Variants in MACROD2 observed in about 807,000 individuals in gnomAD.
MACROD2 encodes the protein mono-ADP ribosylhydrolase 2.
A neutral mutation model predicts 70.4 loss-of-function variants in MACROD2; 36 were observed. That is an observed-to-expected ratio of 0.51 (90% confidence interval 0.39 to 0.68). The LOEUF (loss-of-function observed/expected upper bound fraction) is 0.68, where lower values mean the gene tolerates loss of function less well. MACROD2 is among the 30% of genes least tolerant of loss of function. The probability of loss-of-function intolerance (pLI) is 0.00; values close to 1 mark genes in which losing one functional copy is unlikely to be tolerated. For missense variants in MACROD2, 496 were observed against 538.4 expected (o/e 0.92, Z 0.78); for synonymous variants, 172 against 178.8 (o/e 0.96, Z 0.30).
chr20:14,250,865 T>A (rs948655240), intron 3 of MACROD2, among the ~76,000 whole-genome samples: 1 of 152,114 alleles, frequency 6.6e-6, no homozygotes, highest in Non-Finnish European at 1.5e-5. Context: ...TATGAAGTGA[T>A]CTTACCTTAT....
At chr20:15,819,389 CAT>C (rs1006637039) in intron 8 of MACROD2, among the ~76,000 whole-genome samples, 7 of 133,538 alleles carry the variant, frequency 5.2e-5, no homozygotes, top group Non-Finnish European at 9.6e-5. Flanking sequence ...ATATAGATAA[CAT>C]ATATAAAATA....
At chr20:15,895,044 CCT>C (rs2064949611) in intron 10 of MACROD2, among the ~76,000 whole-genome samples, 1 of 152,184 alleles carries the variant, frequency 6.6e-6, no homozygotes, top group African/African-American at 2.4e-5. Flanking sequence ...ACATCCATAA[CCT>C]ATGTCAAAAG....
intron 5 of MACROD2, among the ~76,000 whole-genome samples, chr20:15,151,947 A>G (rs2076273154): frequency 6.6e-6 from 1 of 151,856 alleles, no homozygotes; most frequent in Non-Finnish European, 1.5e-5. Flanking sequence ...GAGGAAGATT[A>G]GAAAGACTCA....
chr20:14,554,184 A>G (rs1462928266), intron 4 of MACROD2, among the ~76,000 whole-genome samples: 1 of 152,162 alleles, frequency 6.6e-6, no homozygotes, highest in Non-Finnish European at 1.5e-5. Flanking sequence ...AAGGTTGCCT[A>G]TGAATCATCC....
intron 8 of MACROD2, among the ~76,000 whole-genome samples, chr20:15,662,901 G>T (rs1267219837): frequency 6.6e-6 from 1 of 152,098 alleles, no homozygotes; most frequent in East Asian, 1.9e-4. Flanking sequence ...AATGCTACTT[G>T]TTCTCTTTTG....
At chr20:15,013,643 G>A (rs1321617301) in intron 5 of MACROD2, among the ~76,000 whole-genome samples, 2 of 152,088 alleles carry the variant, frequency 1.3e-5, no homozygotes, top group South Asian at 2.1e-4. Flanking sequence ...CATCTTCAGC[G>A]TTCCTTCTAG....
intron 5 of MACROD2, among the ~76,000 whole-genome samples, chr20:14,690,167 G>A (rs2071047070): frequency 6.6e-6 from 1 of 152,108 alleles, no homozygotes; most frequent in Non-Finnish European, 1.5e-5. Flanking sequence ...TCTTTAGAAT[G>A]CTTCTCTCTT....
chr20:15,067,028 A>C (rs2075582324), intron 5 of MACROD2, among the ~76,000 whole-genome samples: 1 of 152,162 alleles, frequency 6.6e-6, no homozygotes, highest in African/African-American at 2.4e-5. Flanking sequence ...AAAAGTAACC[A>C]GTTTGGCAGG....
At chr20:15,031,905 C>G (rs1349868103) in intron 5 of MACROD2, among the ~76,000 whole-genome samples, 1 of 152,176 alleles carries the variant, frequency 6.6e-6, no homozygotes, top group Non-Finnish European at 1.5e-5. Context: ...TTCTGCCTCC[C>G]GCCATCAGCA....
chr20:14,595,997 G>C (rs1264274134), intron 4 of MACROD2, among the ~76,000 whole-genome samples: 3 of 152,050 alleles, frequency 2.0e-5, no homozygotes, highest in African/African-American at 7.2e-5. Flanking sequence ...CAAATACATT[G>C]CTTGAATGGG....
chr20:15,490,754 T>C (rs1439901725), intron 7 of MACROD2, among the ~76,000 whole-genome samples: 1 of 151,902 alleles, frequency 6.6e-6, no homozygotes, highest in Admixed American at 6.6e-5. Context: ...AAACAGGTAG[T>C]GAGGATGTGG....
At chr20:15,522,671 G>A (rs1019192571) in intron 8 of MACROD2, among the ~76,000 whole-genome samples, 2 of 152,124 alleles carry the variant, frequency 1.3e-5, no homozygotes, top group Non-Finnish European at 2.9e-5. Context: ...GCCCAGCACC[G>A]TAAGTATATA....
intron 5 of MACROD2, among the ~76,000 whole-genome samples, chr20:14,858,729 T>C (rs1274687455): frequency 6.6e-6 from 1 of 152,118 alleles, no homozygotes; most frequent in Non-Finnish European, 1.5e-5. Context: ...TGCAGCATAC[T>C]CTACGCACAG....
intron 3 of MACROD2, among the ~76,000 whole-genome samples, chr20:14,202,177 A>G (rs1389382109): frequency 6.6e-6 from 1 of 152,216 alleles, no homozygotes; most frequent in African/African-American, 2.4e-5. Context: ...AAATTAATAT[A>G]GATATAATGA....
At chr20:14,722,587 T>C (rs1242976484) in intron 5 of MACROD2, among the ~76,000 whole-genome samples, 4 of 152,188 alleles carry the variant, frequency 2.6e-5, no homozygotes, top group Admixed American at 6.5e-5. Context: ...GTAAATGGTT[T>C]TTAAACATAA....
intron 5 of MACROD2, among the ~76,000 whole-genome samples, chr20:15,027,608 C>T (rs767786020): frequency 4.6e-5 from 7 of 151,394 alleles, no homozygotes; most frequent in Admixed American, 3.3e-4. Flanking sequence ...GGCACAGTGG[C>T]TCATGCCTGT....
At chr20:15,534,174 C>T (rs533308251) in intron 8 of MACROD2, among the ~76,000 whole-genome samples, 26 of 152,250 alleles carry the variant, frequency 1.7e-4, no homozygotes, top group Non-Finnish European at 3.2e-4. Flanking sequence ...AACTTTGAAA[C>T]CTTCCTTGAA....
At chr20:15,157,352 CCCCCCCA>C (rs1302882055) in intron 5 of MACROD2, among the ~76,000 whole-genome samples, 1 of 9,844 alleles carries the variant, frequency 1.0e-4, no homozygotes, top group Non-Finnish European at 2.3e-4. Flanking sequence ...ATTAACCACC[CCCCCCCA>C]CCTCCCCCCC....
rs570641307 is a variant in MACROD2, at chr20:14,880,036, A to G, written c.418+195077A>G. 5.2e-4 allele frequency among the ~76,000 whole-genome samples: 79 copies of G among 152,192 alleles called. 2 individuals carry two copies. The South Asian group carries it at 0.015, about 29-fold the overall frequency. On this transcript the variant is annotated intron_variant, in intron 5 of 17. Coordinates refer to ENST00000684519, the MANE Select transcript of MACROD2 (RefSeq NM_001351661.2). ...AGTATGCATCGTGCTTTCGTTTTGG[A>G]TGAGAAATATACAAACTGTGTGTTG...
Sources: allele counts gnomAD v4.1 joint callset (sites outside exome capture counted in the v4.1 genomes callset), GRCh38; gene constraint gnomAD v4.1.1; transcripts MANE v1.5; gene names NCBI Gene and HGNC (gene_info 2026-07-23, HGNC 2026-07-21).